Variants in ARSH observed in about 807,000 individuals in gnomAD.
ARSH encodes arylsulfatase family member H, also known as arylsulfatase H.
In ARSH, 32 loss-of-function variants were observed where a neutral mutation model predicts 28.7. That is an observed-to-expected ratio of 1.11 (90% CI 0.84 to 1.50). The LOEUF (loss-of-function observed/expected upper bound fraction) is 1.50. Among genes scored for constraint, ARSH ranks in the 40% most tolerant of loss-of-function variants. The pLI is 0.00. For missense variants in ARSH, 440 were observed against 452.4 expected, an observed-to-expected ratio of 0.97 and a Z score of 0.25; for synonymous variants, 176 against 177.3, an observed-to-expected ratio of 0.99 and a Z score of 0.06.
Position 3,029,321 on chromosome X carries a change from A to G in ARSH, c.1274A>G (p.His425Arg), listed in dbSNP as rs2089907510. 2 of 1,208,331 alleles carry G rather than the reference A, an allele frequency of 1.7e-6. No homozygotes were observed. Among genetic ancestry groups the G allele is most frequent in the South Asian group, 1.8e-5 (1 of 56,638 alleles). Residue 425 changes from histidine to arginine, a missense_variant, in exon 8 of 9, where the codon CAC becomes CGC. Physicochemically the swap from His to Arg is conservative, Grantham distance 29. Coordinates refer to ENST00000381130, the MANE Select transcript of ARSH (RefSeq NM_001011719.2). ...ASHSDHEFLFHYCGVYLHTVR... is the reference protein window; with the variant it reads ...ASHSDHEFLFRYCGVYLHTVR... ...CACTCCGACCACGAGTTCCTCTTCC[A>G]CTACTGTGGGGTCTATCTGCACACG... is the stretch of plus-strand genomic sequence containing the variant.
At chrX:3,015,576 C>T (rs1241459931) in intron 4 of ARSH, among the ~76,000 whole-genome samples, 183 bp downstream of exon 4, 9 of 111,323 alleles carry the variant, frequency 8.1e-5, no homozygotes, top group South Asian at 3.8e-4. Flanking sequence ...CATGTTGCTG[C>T]GAAAGACATG....
chrX:3,024,283 A>C, intron 6 of ARSH, 128 bp downstream of exon 6: 1 of 717,089 alleles, frequency 1.4e-6, no homozygotes, highest in Non-Finnish European at 1.8e-6. Flanking sequence ...TTATTAAGCT[A>C]GACCGAAAAA....
rs137957361 is a variant in ARSH at position 3,015,026 on chromosome X, C to G, written c.397C>G (p.Leu133Val). The G allele has an allele frequency of 8.9e-4, 1,074 of 1,209,695 alleles. 3 individuals are homozygous for G. Among genetic ancestry groups the G allele is most frequent in the Non-Finnish European group, 7.8e-4 (702 of 895,172 alleles). ...TCGGAATGATCACTGTTACCACCCGCTCAACCATGGTTTTCACTACTTTTA... is the reference window on the plus strand; with the variant it reads ...TCGGAATGATCACTGTTACCACCCGGTCAACCATGGTTTTCACTACTTTTA... ...ASRNDHCYHP[L>V]NHGFHYFYGV... Residue 133 changes from leucine (L) to valine (V), a missense_variant, in exon 4 of 9, where the codon CTC (leucine) becomes GTC (valine). Leu to Val is a conservative substitution (Grantham distance 32). Coordinates refer to ENST00000381130, the MANE Select transcript of ARSH (RefSeq NM_001011719.2).
intron 5 of ARSH, among the ~76,000 whole-genome samples, chrX:3,020,406 G>A (rs1209024081): frequency 1.9e-5 from 2 of 106,237 alleles, no homozygotes; most frequent in African/African-American, 3.4e-5. Context: ...TGGCTAACAC[G>A]GTGAAACCCC....
chrX:3,014,714 A>G (rs7054744), intron 3 of ARSH, among the ~76,000 whole-genome samples: 3,956 of 111,121 alleles, frequency 0.036, 174 homozygotes, highest in African/African-American at 0.12. Context: ...TTCTGAATGA[A>G]CACTAGGCTC....
chrX:3,021,504 A>G (rs1473210450), intron 5 of ARSH, among the ~76,000 whole-genome samples: 1 of 111,403 alleles, frequency 9.0e-6, no homozygotes, highest in Non-Finnish European at 1.9e-5. Context: ...TGTGGGTATT[A>G]TTTTACTATT....
rs1569123411 is a variant in ARSH at position 3,015,375 on chromosome X, C to T, written c.746C>T (p.Ala249Val). ...EKVASLMLKE[A>V]LAFIERYKRE... ...GTAGCTTCCCTCATGCTGAAGGAGGCACTTGCTTTCATTGAAAGGTATTTA... is the reference window on the plus strand; with the variant it reads ...GTAGCTTCCCTCATGCTGAAGGAGGTACTTGCTTTCATTGAAAGGTATTTA... The change falls in exon 4 of 9, where the codon GCA (alanine) becomes GTA (valine). Residue 249 changes from alanine (A) to valine (V), a missense_variant. By Grantham distance (64) the Ala-to-Val change is moderately conservative. Transcript: ENST00000381130. 3 of 1,209,649 alleles carry T rather than the reference C, an allele frequency of 2.5e-6. No individual in the cohort carries two copies. The highest frequency in any genetic ancestry group is 2.3e-4 in the Middle Eastern group (1 of 4,344).
At chrX:3,008,631 C>G (rs775900575) in intron 1 of ARSH, among the ~76,000 whole-genome samples, 9 of 109,449 alleles carry the variant, frequency 8.2e-5, no homozygotes, top group Non-Finnish European at 1.7e-4. Flanking sequence ...CTCACTGCAG[C>G]CTTGACCTCC....
At chrX:3,025,476 T>TAGAG (rs1259617397) in intron 6 of ARSH, among the ~76,000 whole-genome samples, 5 of 106,655 alleles carry the variant, frequency 4.7e-5, no homozygotes, top group Non-Finnish European at 9.6e-5. Flanking sequence ...ATTCACTGTA[T>TAGAG]AGAGTATACA....
At chrX:3,020,513 T>C (rs1966877) in intron 5 of ARSH, among the ~76,000 whole-genome samples, 8,228 of 89,836 alleles carry the variant, frequency 0.092, 364 homozygotes, top group African/African-American at 0.16. Flanking sequence ...GGCGTGAACC[T>C]GGGAGGCGGA....
chrX:3,020,074 C>T (rs1230013037), intron 5 of ARSH, among the ~76,000 whole-genome samples: 1 of 106,854 alleles, frequency 9.4e-6, no homozygotes, highest in Admixed American at 1.0e-4. Context: ...TCACTTGATC[C>T]CATGAGTTTG....
chrX:3,008,697 G>T (rs750692284), intron 1 of ARSH, among the ~76,000 whole-genome samples: 71 of 107,339 alleles, frequency 6.6e-4, no homozygotes, highest in Non-Finnish European at 2.3e-4. Context: ...CTATAGGCAT[G>T]AGCCCCCACA....
In ARSH at chrX:3,006,631, C is replaced by G. The variant is rs759728180; in HGVS notation, c.19C>G (p.Pro7Ala). MTRNAR[P>A]NIVLLMADDL... ...CACATTTATGACAAGAAACGCCAGA[C>G]CCAACATTGTCCTGCTGATGGCAGA... Residue 7 changes from proline to alanine, a missense_variant, in exon 1 of 9, where the codon CCC becomes GCC. Pro to Ala is a conservative substitution (Grantham distance 27). Transcript: ENST00000381130. The G allele has an allele frequency of 3.3e-6, 4 of 1,208,882 alleles. No individual in the cohort carries two copies. Among genetic ancestry groups the G allele is most frequent in the African/African-American group, 1.8e-5 (1 of 56,986 alleles).
Position 3,029,301 on chromosome X carries a change from C to G in ARSH, c.1254C>G (p.Ser418=). ...MPLLEGRASH[S]DHEFLFHYCG... The stretch of plus-strand genomic sequence containing the variant: ...TGCTGGAAGGAAGGGCGTCCCACTC[C>G]GACCACGAGTTCCTCTTCCACTACT... The change falls in exon 8 of 9, where the codon TCC becomes TCG. Residue 418 remains serine (S), a synonymous_variant. Coordinates refer to ENST00000381130, the MANE Select transcript of ARSH (RefSeq NM_001011719.2). The G allele has an allele frequency of 8.3e-7, 1 of 1,210,714 alleles. No individual in the cohort carries two copies. Among genetic ancestry groups the G allele is most frequent in the South Asian group, 1.8e-5 (1 of 56,875 alleles).
intron 4 of ARSH, 22 bp downstream of exon 4, chrX:3,015,415 G>T: frequency 8.4e-7 from 1 of 1,187,003 alleles, no homozygotes; most frequent in Non-Finnish European, 1.1e-6. Context: ...TTTCTTGCCT[G>T]ATTTCCTGCA....
At chrX:3,029,075 T>C (rs1378546083) in intron 7 of ARSH, among the ~76,000 whole-genome samples, 172 bp from the exon 8 acceptor site, 2 of 97,252 alleles carry the variant, frequency 2.1e-5, no homozygotes, top group Admixed American at 2.1e-4. Context: ...AAGACTCCAT[T>C]TCAAAAAAAA....
chrX:3,031,797 G>C (rs2089914633), intron 8 of ARSH, among the ~76,000 whole-genome samples: 1 of 111,257 alleles, frequency 9.0e-6, no homozygotes, highest in Non-Finnish European at 1.9e-5. Flanking sequence ...CATAATTTCA[G>C]AAGTTGGGAG....
intron 3 of ARSH, among the ~76,000 whole-genome samples, chrX:3,014,526 A>G (rs1170766853): frequency 9.0e-6 from 1 of 111,313 alleles, no homozygotes; most frequent in Non-Finnish European, 1.9e-5. Context: ...GTGAGATGGA[A>G]TAAGAGGGTC....
At chrX:3,025,202 G>A (rs1173441455) in intron 6 of ARSH, among the ~76,000 whole-genome samples, 1 of 105,450 alleles carries the variant, frequency 9.5e-6, no homozygotes, top group South Asian at 4.1e-4. Context: ...ATATATATTC[G>A]CTATATTCAT....
Sources: allele counts gnomAD v4.1 joint callset (sites outside exome capture counted in the v4.1 genomes callset), GRCh38; gene constraint gnomAD v4.1.1; transcripts MANE v1.5; gene names NCBI Gene and HGNC (gene_info 2026-07-23, HGNC 2026-07-21).